Variants in TXNDC11 observed in about 807,000 individuals in gnomAD.
TXNDC11 encodes thioredoxin domain-containing protein 11.
TXNDC11 carries 68 observed loss-of-function variants against 78.0 expected under a neutral mutation model. That is an observed-to-expected ratio of 0.87 (90% CI 0.72 to 1.07). The LOEUF (loss-of-function observed/expected upper bound fraction) is 1.07, where lower values mean the gene tolerates loss of function less well. Ranked by LOEUF, TXNDC11 falls within the 50% of genes least tolerant of loss-of-function variation. TXNDC11 has a pLI of 0.00. For missense variants in TXNDC11, 1,389 were observed against 1,221.8 expected, an observed-to-expected ratio of 1.14 and a Z score of -2.04; for synonymous variants, 571 against 495.2, an observed-to-expected ratio of 1.15 and a Z score of -2.03.
At chr16:11,737,645 C>G (rs568876970) in intron 1 of TXNDC11, among the ~76,000 whole-genome samples, 3 of 151,504 alleles carry the variant, frequency 2.0e-5, no homozygotes, top group South Asian at 2.1e-4. Flanking sequence ...AGGCAGACCA[C>G]GAGGTCAGGA....
chr16:11,714,282 G>T (rs1597461035), intron 5 of TXNDC11, among the ~76,000 whole-genome samples: 1 of 152,074 alleles, frequency 6.6e-6, no homozygotes, highest in Admixed American at 6.6e-5. Flanking sequence ...CCTCAGTCTC[G>T]CAAAGTGCTA....
intron 5 of TXNDC11, among the ~76,000 whole-genome samples, chr16:11,707,002 C>A (rs1035499870): frequency 3.9e-5 from 6 of 152,072 alleles, no homozygotes; most frequent in African/African-American, 1.2e-4. Flanking sequence ...CTCTGAAGGG[C>A]CAACTGTGGG....
intron 10 of TXNDC11, among the ~76,000 whole-genome samples, chr16:11,684,603 A>C (rs1232467054): frequency 6.6e-6 from 1 of 152,272 alleles, no homozygotes; most frequent in Admixed American, 6.5e-5. Flanking sequence ...ATCATTGAGC[A>C]AAATACATCA....
At position 11,679,416 on chromosome 16, in the gene TXNDC11, T is replaced by C. The variant is rs766514393; in HGVS notation, c.2656A>G (p.Asn886Asp). The change falls in exon 12 of 12, where the codon AAC becomes GAC. Residue 886 changes from asparagine to aspartate, a missense_variant. Physicochemically the swap from Asn to Asp is conservative, Grantham distance 23. Transcript: ENST00000283033. The surrounding 1 kb of genome is among the most constrained non-coding windows in gnomAD (Gnocchi z 4.6). ...KLQELADASENLLTENTWLKI... is the reference protein window; with the variant it reads ...KLQELADASEDLLTENTWLKI... The stretch of plus-strand genomic sequence containing the variant: ...AGCCACGTGTTCTCGGTAAGGAGGT[T>C]TTCTGAGGCATCGGCCAGCTCCTGC... 2 of 1,613,566 alleles carry C rather than the reference T, an allele frequency of 1.2e-6. No homozygotes were observed. The highest frequency in any genetic ancestry group is 1.7e-5 in the Admixed American group (1 of 59,952).
At chr16:11,698,387 A>C in intron 6 of TXNDC11, 62 bp from the exon 7 acceptor site, 1 of 1,476,436 alleles carries the variant, frequency 6.8e-7, no homozygotes, top group South Asian at 1.1e-5. Flanking sequence ...AGCTCAAGGC[A>C]CATCAGTGCT....
intron 5 of TXNDC11, chr16:11,703,748 G>C (rs1033161697): frequency 4.3e-6 from 3 of 701,308 alleles, no homozygotes; most frequent in East Asian, 2.7e-5. Flanking sequence ...GTTGATTCCA[G>C]AGCTGGGGTG....
intron 3 of TXNDC11, among the ~76,000 whole-genome samples, chr16:11,732,750 G>C (rs1023526822): frequency 1.3e-5 from 2 of 152,174 alleles, no homozygotes; most frequent in African/African-American, 2.4e-5. Flanking sequence ...CTATGTGCCA[G>C]ACAACAGTTT....
chr16:11,737,338 G>C (rs887899629), intron 1 of TXNDC11, among the ~76,000 whole-genome samples: 2 of 151,792 alleles, frequency 1.3e-5, no homozygotes, highest in South Asian at 2.1e-4. Flanking sequence ...CCAGCTTCTC[G>C]GGAAGCTGAG....
At chr16:11,703,356 T>G (rs528231411) in intron 5 of TXNDC11, among the ~76,000 whole-genome samples, 1 of 152,216 alleles carries the variant, frequency 6.6e-6, no homozygotes, top group Admixed American at 6.5e-5. Context: ...TATGAACTTA[T>G]TTACTTCTTT....
chr16:11,714,397 T>C (rs2051462114), intron 5 of TXNDC11, among the ~76,000 whole-genome samples: 1 of 152,096 alleles, frequency 6.6e-6, no homozygotes. Context: ...CTCCAGCACT[T>C]TGGGAGGCCG....
intron 4 of TXNDC11, among the ~76,000 whole-genome samples, chr16:11,725,833 A>G (rs1222617657): frequency 6.6e-6 from 1 of 152,230 alleles, no homozygotes; most frequent in Non-Finnish European, 1.5e-5. Context: ...AGTAACTTAA[A>G]GGCAAAACTG....
chr16:11,715,961 G>T (rs553090193), intron 5 of TXNDC11, among the ~76,000 whole-genome samples: 1 of 152,240 alleles, frequency 6.6e-6, no homozygotes, highest in East Asian at 1.9e-4. Context: ...TTACTTGCAC[G>T]CAAAGTATTT....
chr16:11,705,596 C>A (rs1326966990), intron 5 of TXNDC11, among the ~76,000 whole-genome samples: 2 of 152,172 alleles, frequency 1.3e-5, no homozygotes, highest in East Asian at 1.9e-4. Flanking sequence ...GACAGCCTGA[C>A]CCAAAAGTTA....
At chr16:11,693,908 C>T (rs1272972068) in intron 7 of TXNDC11, among the ~76,000 whole-genome samples, 1 of 152,118 alleles carries the variant, frequency 6.6e-6, no homozygotes, top group Admixed American at 6.5e-5. Flanking sequence ...CCCGCAAAAA[C>T]CTCCATAAGA....
chr16:11,725,102 G>A (rs1418999901), intron 4 of TXNDC11, among the ~76,000 whole-genome samples: 1 of 152,056 alleles, frequency 6.6e-6, no homozygotes, highest in Non-Finnish European at 1.5e-5. Context: ...TCCCTTTATG[G>A]GATCTCCTGG....
In TXNDC11 at chr16:11,688,415, T is replaced by C. The variant is rs751536419; in HGVS notation, c.1931A>G (p.Tyr644Cys). Residue 644 changes from tyrosine (Y) to cysteine (C), a missense_variant, in exon 9 of 12, where the codon TAT becomes TGT. Physicochemically the swap from Tyr to Cys is radical, Grantham distance 194. Coordinates refer to ENST00000283033, the MANE Select transcript of TXNDC11 (RefSeq NM_015914.7). ...AATGAGATGCCTTTTCAAGGGACTA[T>C]AGAGAACGCTGAAGTTTTGAATAAA... ...ESFIQNFSVL[Y>C]SPLKRHLIGS... 6.2e-6 allele frequency: 10 copies of C among 1,612,972 alleles called. No homozygotes were observed. Among genetic ancestry groups the C allele is most frequent in the South Asian group, 1.1e-5 (1 of 90,936 alleles).
At chr16:11,683,670 C>G (rs953144589) in intron 11 of TXNDC11, among the ~76,000 whole-genome samples, 5 of 151,920 alleles carry the variant, frequency 3.3e-5, no homozygotes, top group Non-Finnish European at 7.4e-5. Flanking sequence ...AAGAGATAGA[C>G]TGGGAAAAAC....
At chr16:11,683,950 C>T (rs149463749) in intron 11 of TXNDC11, among the ~76,000 whole-genome samples, 167 of 152,060 alleles carry the variant, frequency 1.1e-3, no homozygotes, top group Non-Finnish European at 2.0e-3. Flanking sequence ...GGGGTTTCAC[C>T]ATGTCGGCCA....
intron 1 of TXNDC11, among the ~76,000 whole-genome samples, chr16:11,739,523 C>A (rs900769049): frequency 6.6e-6 from 1 of 152,104 alleles, no homozygotes; most frequent in Admixed American, 6.5e-5. Context: ...GCCGGGGCAA[C>A]ATAGAAAAAA....
Sources: allele counts gnomAD v4.1 joint callset (sites outside exome capture counted in the v4.1 genomes callset), GRCh38; gene constraint gnomAD v4.1.1; non-coding constraint Gnocchi (gnomAD v3.1); transcripts MANE v1.5; gene names NCBI Gene and HGNC (gene_info 2026-07-23, HGNC 2026-07-21).